RNF121: variants seen among roughly 807,000 people sequenced by gnomAD.
RNF121 encodes the protein E3 ubiquitin ligase RNF121.
Under a neutral mutation model 46.5 loss-of-function variants are expected in RNF121, and 21 were observed. The observed-to-expected ratio is 0.45, with a 90% confidence interval of 0.32 to 0.65. The LOEUF (loss-of-function observed/expected upper bound fraction) is 0.65. Among genes scored for constraint, RNF121 ranks in the 30% least tolerant of loss-of-function variants. The pLI is 0.04. For missense variants in RNF121, 346 were observed against 416.0 expected, an observed-to-expected ratio of 0.83 and a Z score of 1.46; for synonymous variants, 139 against 144.7, an observed-to-expected ratio of 0.96 and a Z score of 0.28.
chr11:71,970,269 G>T (rs1371256896), intron 3 of RNF121, among the ~76,000 whole-genome samples: 1 of 152,146 alleles, frequency 6.6e-6, no homozygotes. Context: ...AAGTTCTGGA[G>T]ATCTGTTACA....
At chr11:71,993,941 C>T (rs1031561535) in intron 6 of RNF121, among the ~76,000 whole-genome samples, 3 of 150,658 alleles carry the variant, frequency 2.0e-5, no homozygotes, top group African/African-American at 7.3e-5. Flanking sequence ...CCCGGGTTCA[C>T]GCCATTCTCC....
chr11:71,996,130 CCA>C, intron 8 of RNF121, 63 bp from the exon 9 acceptor site: 2 of 1,591,026 alleles, frequency 1.3e-6, no homozygotes, highest in Non-Finnish European at 1.7e-6. Context: ...GGGAGCCCCA[CCA>C]CCCATGCTAG....
chr11:71,993,614 A>G (rs1447754220), intron 6 of RNF121, among the ~76,000 whole-genome samples: 1 of 152,020 alleles, frequency 6.6e-6, no homozygotes, highest in Non-Finnish European at 1.5e-5. Context: ...TAGGCACTTG[A>G]GTTGTTTCCA....
chr11:71,952,457 T>C (rs1345007194), intron 1 of RNF121, among the ~76,000 whole-genome samples: 4 of 152,230 alleles, frequency 2.6e-5, no homozygotes, highest in Admixed American at 2.6e-4. Context: ...TTTTAAAATT[T>C]TAAATTGACA....
At chr11:71,940,910 A>G (rs1393477230) in intron 1 of RNF121, among the ~76,000 whole-genome samples, 5 of 152,252 alleles carry the variant, frequency 3.3e-5, no homozygotes, top group Non-Finnish European at 5.9e-5. Context: ...CAGTGAGGTA[A>G]GGAAGAGTGA....
At chr11:71,978,081 T>C in intron 3 of RNF121, 1 of 309,544 alleles carries the variant, frequency 3.2e-6, no homozygotes, top group Non-Finnish European at 6.5e-6. Context: ...TTTTTTTTTT[T>C]TAAGAGGTGG....
At chr11:71,994,691 A>G (rs1481402453) in intron 6 of RNF121, 28 bp from the exon 7 acceptor site, 7 of 1,613,170 alleles carry the variant, frequency 4.3e-6, no homozygotes, top group African/African-American at 2.7e-5. Flanking sequence ...ATCTTTTCCT[A>G]TCTTTCCTTC....
chr11:71,981,341 C>T (rs924167061), intron 3 of RNF121, among the ~76,000 whole-genome samples: 9 of 152,212 alleles, frequency 5.9e-5, no homozygotes, highest in Admixed American at 1.3e-4. Flanking sequence ...TGAGCCACCA[C>T]GGCCAGCCGA....
At chr11:71,965,533 A>G (rs1954256157) in intron 3 of RNF121, among the ~76,000 whole-genome samples, 1 of 152,296 alleles carries the variant, frequency 6.6e-6, no homozygotes, top group African/African-American at 2.4e-5. Flanking sequence ...GGAGTGAGCC[A>G]CCACGCCTGG....
At chr11:71,936,586 G>A (rs1953419031) in intron 1 of RNF121, among the ~76,000 whole-genome samples, 1 of 152,080 alleles carries the variant, frequency 6.6e-6, no homozygotes, top group African/African-American at 2.4e-5. Flanking sequence ...AGTAGAGACG[G>A]GGTTTCACCG....
chr11:71,995,606 C>A, intron 8 of RNF121, 55 bp downstream of exon 8: 1 of 1,399,058 alleles, frequency 7.1e-7, no homozygotes, highest in African/African-American at 1.4e-5. Context: ...AAGTACTGGC[C>A]AGTGTGACCT....
chr11:71,932,372 G>A (rs1953294888), intron 1 of RNF121, among the ~76,000 whole-genome samples: 1 of 152,346 alleles, frequency 6.6e-6, no homozygotes, highest in Admixed American at 6.5e-5. Context: ...TTGTGAATGG[G>A]GAAGTACAGC....
chr11:71,934,483 T>G (rs1036729609), intron 1 of RNF121, among the ~76,000 whole-genome samples: 5 of 152,244 alleles, frequency 3.3e-5, no homozygotes, highest in African/African-American at 1.2e-4. Flanking sequence ...ATCCCTTGCT[T>G]CTTCAAGCAG....
At chr11:71,952,342 C>T (rs889041195) in intron 1 of RNF121, among the ~76,000 whole-genome samples, 6 of 152,210 alleles carry the variant, frequency 3.9e-5, no homozygotes, top group African/African-American at 1.2e-4. Context: ...TGACTGCTAA[C>T]TGGCACATGA....
At chr11:71,977,967 A>G (rs1055956952) in intron 3 of RNF121, 14 of 274,306 alleles carry the variant, frequency 5.1e-5, no homozygotes, top group African/African-American at 1.9e-4. Flanking sequence ...ATTGTTCTGC[A>G]TAACTTTTAG....
At chr11:71,991,774 T>A (rs1954866683) in intron 6 of RNF121, among the ~76,000 whole-genome samples, 1 of 152,078 alleles carries the variant, frequency 6.6e-6, no homozygotes, top group African/African-American at 2.4e-5. Flanking sequence ...AAGTAGTGAC[T>A]AGACTAGAAA....
chr11:71,981,263 G>A (rs1954647955), intron 3 of RNF121, among the ~76,000 whole-genome samples: 1 of 151,990 alleles, frequency 6.6e-6, no homozygotes. Flanking sequence ...TGTTAGCCAG[G>A]ATGGTCTCAA....
Position 71,929,119 on chromosome 11 carries a change from G to C in RNF121, c.58G>C (p.Asp20His). The change falls in exon 1 of 9, where the codon GAT becomes CAT. Residue 20 changes from aspartate to histidine, a missense_variant. By Grantham distance (81) the Asp-to-His change is moderately conservative. Coordinates refer to ENST00000361756, the MANE Select transcript of RNF121 (RefSeq NM_018320.5). ...TGGTGCTGCTGGGGAACGGGAGCTG[G>C]ATGAGGTAAGCGGAGTTGAGAGACG... Reference protein sequence around the residue: ...GGGAAGERELDEVDMSDLSPE... With the variant: ...GGGAAGERELHEVDMSDLSPE... 1 of 1,551,676 alleles carries C rather than the reference G, an allele frequency of 6.4e-7. No homozygotes were observed. Among genetic ancestry groups the C allele is most frequent in the Non-Finnish European group, 8.7e-7 (1 of 1,147,048 alleles).
chr11:71,932,306 T>C (rs752754206), intron 1 of RNF121, among the ~76,000 whole-genome samples: 3 of 152,230 alleles, frequency 2.0e-5, no homozygotes, highest in Non-Finnish European at 2.9e-5. Flanking sequence ...TTAACCCCAT[T>C]TTATAAATGA....
Sources: allele counts gnomAD v4.1 joint callset (sites outside exome capture counted in the v4.1 genomes callset), GRCh38; gene constraint gnomAD v4.1.1; transcripts MANE v1.5; gene names NCBI Gene and HGNC (gene_info 2026-07-23, HGNC 2026-07-21).